The following PTPRE variants were observed in gnomAD, a reference collection of about 807,000 sequenced individuals.
PTPRE encodes the protein receptor-type tyrosine-protein phosphatase epsilon.
PTPRE carries 51 observed loss-of-function variants against 102.0 expected under a neutral mutation model. The observed-to-expected ratio is 0.50, with a 90% CI of 0.40 to 0.63. The LOEUF (loss-of-function observed/expected upper bound fraction) is 0.63, where lower values mean the gene tolerates loss of function less well. Among genes scored for constraint, PTPRE ranks in the 30% least tolerant of loss-of-function variants. PTPRE has a pLI of 0.00. For synonymous variants in PTPRE, 345 were observed against 348.2 expected, an observed-to-expected ratio of 0.99 and a Z score of 0.10; for missense variants, 752 against 915.1, an observed-to-expected ratio of 0.82 and a Z score of 2.30.
intron 1 of PTPRE, among the ~76,000 whole-genome samples, chr10:127,967,340 T>C (rs1225538537): frequency 6.6e-6 from 1 of 152,102 alleles, no homozygotes; most frequent in Admixed American, 6.5e-5. Context: ...GCTCCCATAA[T>C]CCCCACGTGT....
intron 1 of PTPRE, among the ~76,000 whole-genome samples, chr10:127,931,581 C>T (rs1218278240): frequency 6.6e-6 from 1 of 152,166 alleles, no homozygotes; most frequent in Non-Finnish European, 1.5e-5. Context: ...TCCTATGCCC[C>T]CTTCCCAGGA....
Position 128,069,470 on chromosome 10 carries a change from G to T in PTPRE, c.1008-222G>T, listed in dbSNP as rs1850565695. ...GAGGCTTACTGCACCAGCTGTTAAT[G>T]TGCCTCTTAGTAGAGTGTCGGTGGC... On this transcript the variant is annotated intron_variant, in intron 12 of 20. Transcript: ENST00000254667. The T allele has an allele frequency of 8.7e-6, 5 of 574,886 alleles. No individual in the cohort carries two copies. In the Admixed American group the frequency reaches 1.5e-4, roughly 18 times the overall value. 35.6% of individuals were successfully genotyped at this position (574,886 alleles called of 1,614,324 possible). A position where few individuals can be genotyped will look rare whatever the true frequency, so the allele number is the denominator to read the frequency against.
chr10:128,069,336 G>A (rs1419359226), intron 12 of PTPRE: 2 of 199,462 alleles, frequency 1.0e-5, no homozygotes, highest in East Asian at 2.5e-4. Context: ...TTGCATAGTT[G>A]ATCTGAGGTC....
chr10:127,984,587 C>T (rs1016906625), intron 2 of PTPRE, among the ~76,000 whole-genome samples: 1 of 152,166 alleles, frequency 6.6e-6, no homozygotes, highest in African/African-American at 2.4e-5. Flanking sequence ...TCTGTGTCCC[C>T]ACCCAAATCT....
rs539582657 is a variant in PTPRE, at chr10:127,996,614, C to T, written c.-8+14318C>T. ...CTTCCCATCCAGCTAGTATGCCTCC[C>T]GGCATTCGGCTTCAGCCTCCAGCCT... On this transcript the variant is annotated intron_variant, in intron 2 of 20. Transcript: ENST00000254667. Among the ~76,000 whole-genome samples the T allele has an allele frequency of 3.3e-4, 50 of 152,304 alleles. 1 individual carries two copies. Among genetic ancestry groups the T allele is most frequent in the African/African-American group, 9.1e-4 (38 of 41,570 alleles).
Position 128,085,555 on chromosome 10 carries a change from T to A in PTPRE, c.*2649T>A, listed in dbSNP as rs1285911373. 1 of 153,024 alleles carries A rather than the reference T, an allele frequency of 6.5e-6. No homozygotes were observed. The highest frequency in any genetic ancestry group is 1.5e-5 in the Non-Finnish European group (1 of 68,272). The allele number at this position is 153,024 out of a possible 1,614,324, so 9.5% of individuals were successfully genotyped here. ...ATTTTTATGTGTTTTTAAACACTTT[T>A]TTAAATGAGCCTGACACCTGTGTTT... On this transcript the variant is annotated 3_prime_UTR_variant, in exon 21 of 21. Coordinates refer to ENST00000254667, the MANE Select transcript of PTPRE (RefSeq NM_006504.6).
intron 1 of PTPRE, among the ~76,000 whole-genome samples, chr10:127,953,226 C>A (rs1219864584): frequency 1.3e-5 from 2 of 152,222 alleles, no homozygotes; most frequent in African/African-American, 4.8e-5. Flanking sequence ...GGCCATATGA[C>A]CCAGCAGACC....
chr10:127,930,869 T>C (rs1179677851), intron 1 of PTPRE, among the ~76,000 whole-genome samples: 1 of 151,708 alleles, frequency 6.6e-6, no homozygotes, highest in African/African-American at 2.4e-5. Flanking sequence ...ATCGGCTCAC[T>C]GCAACTTCAG....
intron 1 of PTPRE, among the ~76,000 whole-genome samples, chr10:127,973,882 A>G (rs1165965995): frequency 6.6e-6 from 1 of 152,086 alleles, no homozygotes; most frequent in African/African-American, 2.4e-5. Flanking sequence ...ACATGCCTCC[A>G]AAGCTTGTGA....
intron 18 of PTPRE, 121 bp from the exon 19 acceptor site, chr10:128,077,496 T>C (rs1355566871): frequency 1.6e-6 from 2 of 1,271,830 alleles, no homozygotes; most frequent in Non-Finnish European, 2.1e-6. Flanking sequence ...GGTGGGGATG[T>C]TGGCAGCACA....
intron 2 of PTPRE, among the ~76,000 whole-genome samples, chr10:128,035,028 G>T (rs10829319): frequency 2.6e-5 from 4 of 151,808 alleles, no homozygotes; most frequent in Non-Finnish European, 4.4e-5. Flanking sequence ...CTGTTGTCCA[G>T]GCTGGAGTGC....
At chr10:128,015,372 C>T (rs1845328868) in intron 2 of PTPRE, among the ~76,000 whole-genome samples, 1 of 146,388 alleles carries the variant, frequency 6.8e-6, no homozygotes, top group South Asian at 2.2e-4. Flanking sequence ...AGGAAGACCT[C>T]TTTTTTTTTT....
intron 18 of PTPRE, among the ~76,000 whole-genome samples, 193 bp downstream of exon 18, chr10:128,076,921 T>C (rs35655466): frequency 0.44 from 67,268 of 151,996 alleles, 15,876 homozygotes; most frequent in African/African-American, 0.61. Context: ...TCTCCCTAGC[T>C]GCCTACCTCC....
chr10:128,000,450 C>G (rs1233492799), intron 2 of PTPRE, among the ~76,000 whole-genome samples: 1 of 152,186 alleles, frequency 6.6e-6, no homozygotes, highest in Admixed American at 6.5e-5. Context: ...GAGATTTTCT[C>G]TAGCTGCGTT....
At chr10:127,939,318 C>G (rs1266948072) in intron 1 of PTPRE, among the ~76,000 whole-genome samples, 1 of 152,206 alleles carries the variant, frequency 6.6e-6, no homozygotes, top group Non-Finnish European at 1.5e-5. Context: ...TTTAAAACTT[C>G]CCGTTCTGCT....
chr10:128,021,656 C>A (rs116435578), intron 2 of PTPRE, among the ~76,000 whole-genome samples: 2,086 of 152,342 alleles, frequency 0.014, 53 homozygotes, highest in African/African-American at 0.048. Context: ...TGAAATTTCC[C>A]ACCTCCTGTT....
chr10:127,992,878 G>T (rs960302379), intron 2 of PTPRE, among the ~76,000 whole-genome samples: 2 of 152,160 alleles, frequency 1.3e-5, no homozygotes, highest in Admixed American at 6.5e-5. Flanking sequence ...CGCGTAAGTG[G>T]GAGTCTTCAT....
chr10:128,015,516 G>C (rs1257275596), intron 2 of PTPRE, among the ~76,000 whole-genome samples: 1 of 150,962 alleles, frequency 6.6e-6, no homozygotes, highest in African/African-American at 2.4e-5. Context: ...ACAGGCACCC[G>C]CCACCACACC....
At chr10:127,972,405 G>A (rs7076089) in intron 1 of PTPRE, among the ~76,000 whole-genome samples, 11,944 of 152,208 alleles carry the variant, frequency 0.078, 1,346 homozygotes, top group African/African-American at 0.25. Context: ...CAGGGTGGCC[G>A]TGAGGATCAG....
Sources: gnomAD v4.1 joint callset for allele counts (sites outside exome capture counted in the v4.1 genomes callset) on GRCh38, gnomAD v4.1.1 for gene constraint, MANE v1.5 for transcripts, NCBI Gene and HGNC (gene_info 2026-07-23, HGNC 2026-07-21) for gene names.